The following FBXL7 variants were observed in gnomAD, a reference collection of about 807,000 sequenced individuals.
FBXL7 encodes F-box/LRR-repeat protein 7.
A neutral mutation model predicts 38.3 loss-of-function variants in FBXL7; 12 were observed. The observed-to-expected ratio is 0.31, with a 90% CI of 0.20 to 0.51. FBXL7 has a LOEUF of 0.51. Ranked by LOEUF, FBXL7 falls within the 20% of genes least tolerant of loss-of-function variation. The pLI, the probability that FBXL7 is intolerant of heterozygous loss-of-function variation, is 0.98. For missense variants in FBXL7, 567 were observed against 676.4 expected (o/e 0.84, Z 1.79); for synonymous variants, 297 against 300.9 (o/e 0.99, Z 0.13).
chr5:15,937,427 C>T lies in FBXL7; in HGVS notation c.*241C>T. The T allele has an allele frequency of 1.9e-6, 1 of 522,538 alleles. No homozygotes were observed. The highest frequency in any genetic ancestry group is 3.4e-6 in the Non-Finnish European group (1 of 297,048). The allele number at this position is 522,538 out of a possible 1,614,324, so 32.4% of individuals were successfully genotyped here. On this transcript the variant is annotated 3_prime_UTR_variant, in exon 4 of 4. Coordinates refer to ENST00000504595, the MANE Select transcript of FBXL7 (RefSeq NM_012304.5). ...CATTTGTAGGCAGTTTCTCTTCTCA[C>T]AAAAGATGTACTTAAGCAGGCTGAT... is the stretch of plus-strand genomic sequence containing the variant.
Position 15,685,310 on chromosome 5 carries a change from C to T in FBXL7, c.127+69238C>T, listed in dbSNP as rs763808562. Among the ~76,000 whole-genome samples, 8 of 152,106 alleles carry T rather than the reference C, an allele frequency of 5.3e-5. No individual in the cohort carries two copies. The South Asian group carries it at 8.3e-4, about 16-fold the overall frequency. On this transcript the variant is annotated intron_variant, in intron 2 of 3. Transcript: ENST00000504595. Reference sequence around the variant, plus strand: ...ACCAATGCATCTTGCAGATGCTTTTCGAATACAGGATTTGTATAGAGGGTG... The same window carrying T: ...ACCAATGCATCTTGCAGATGCTTTTTGAATACAGGATTTGTATAGAGGGTG...
At chr5:15,670,616 C>T (rs1344529466) in intron 2 of FBXL7, among the ~76,000 whole-genome samples, 1 of 152,102 alleles carries the variant, frequency 6.6e-6, no homozygotes, top group African/African-American at 2.4e-5. Flanking sequence ...GCCTGGCCAA[C>T]ATGGTGAAAC....
Position 15,929,345 on chromosome 5 carries a change from C to T in FBXL7, c.739+844C>T, listed in dbSNP as rs550983801. ...CTTTTAAAAATTGAAGGAAGTCGGG[C>T]GTAGAGGCCCACGCCTGTAATCCCA... On this transcript the variant is annotated intron_variant, in intron 3 of 3. Coordinates refer to ENST00000504595, the MANE Select transcript of FBXL7 (RefSeq NM_012304.5). Among the ~76,000 whole-genome samples the T allele has an allele frequency of 2.5e-3, 377 of 152,312 alleles. 1 individual carries two copies. The highest frequency in any genetic ancestry group is 4.6e-3 in the Non-Finnish European group (313 of 68,022).
At chr5:15,734,114 CAAAAAA>C (rs370211850) in intron 2 of FBXL7, among the ~76,000 whole-genome samples, 1 of 139,588 alleles carries the variant, frequency 7.2e-6, no homozygotes, top group African/African-American at 2.7e-5. Context: ...GACTGGGTCT[CAAAAAA>C]AAAAAAAAAA....
intron 2 of FBXL7, among the ~76,000 whole-genome samples, chr5:15,884,440 G>C (rs1740594861): frequency 6.6e-6 from 1 of 151,916 alleles, no homozygotes; most frequent in African/African-American, 2.4e-5. Flanking sequence ...CTAATTTTTT[G>C]TATTTTTAGT....
At chr5:15,595,940 G>A (rs533185292) in intron 1 of FBXL7, among the ~76,000 whole-genome samples, 31 of 152,270 alleles carry the variant, frequency 2.0e-4, no homozygotes, top group African/African-American at 7.0e-4. Flanking sequence ...ATCTCAGCAG[G>A]TAGATGGGAT....
At chr5:15,734,522 T>G (rs1486041324) in intron 2 of FBXL7, among the ~76,000 whole-genome samples, 1 of 152,208 alleles carries the variant, frequency 6.6e-6, no homozygotes, top group African/African-American at 2.4e-5. Flanking sequence ...ATGGGAAAGA[T>G]TCTCCCAAGG....
chr5:15,534,374 A>ATTG (rs3033689), intron 1 of FBXL7, among the ~76,000 whole-genome samples: 148,597 of 152,218 alleles, frequency 0.98, 72,927 homozygotes, highest in Middle Eastern at 1. Context: ...TGCCCTCTCC[A>ATTG]TTTTGCCTTT....
At chr5:15,699,237 G>A (rs1280577886) in intron 2 of FBXL7, among the ~76,000 whole-genome samples, 1 of 152,120 alleles carries the variant, frequency 6.6e-6, no homozygotes, top group East Asian at 1.9e-4. Context: ...ACATTGGGTG[G>A]CTTAAAACAA....
intron 2 of FBXL7, among the ~76,000 whole-genome samples, chr5:15,867,942 A>G (rs1739786387): frequency 6.6e-6 from 1 of 152,122 alleles, no homozygotes; most frequent in Non-Finnish European, 1.5e-5. Context: ...CGTCTCTGGT[A>G]AAAATACAAA....
intron 2 of FBXL7, among the ~76,000 whole-genome samples, chr5:15,745,780 A>G (rs1309366634): frequency 6.6e-6 from 1 of 152,174 alleles, no homozygotes; most frequent in African/African-American, 2.4e-5. Context: ...GGGGGAAGTT[A>G]TGTAGGGTCT....
At chr5:15,573,088 G>A (rs180897481) in intron 1 of FBXL7, among the ~76,000 whole-genome samples, 2 of 152,322 alleles carry the variant, frequency 1.3e-5, no homozygotes, top group African/African-American at 4.8e-5. Flanking sequence ...GTGTCCTGCA[G>A]TATCTGGACA....
chr5:15,864,894 T>C (rs1003549664), intron 2 of FBXL7, among the ~76,000 whole-genome samples: 2 of 152,184 alleles, frequency 1.3e-5, no homozygotes, highest in African/African-American at 4.8e-5. Flanking sequence ...TAGCCTCAAC[T>C]TAAGATGGAG....
intron 2 of FBXL7, among the ~76,000 whole-genome samples, chr5:15,857,931 C>G (rs1278435101): frequency 6.6e-6 from 1 of 152,090 alleles, no homozygotes; most frequent in African/African-American, 2.4e-5. Context: ...TGTCATGTCT[C>G]TATTTTGAGG....
intron 2 of FBXL7, among the ~76,000 whole-genome samples, chr5:15,837,791 T>C (rs1738632586): frequency 6.6e-6 from 1 of 152,058 alleles, no homozygotes; most frequent in African/African-American, 2.4e-5. Context: ...GAGAAAGGAA[T>C]GTGAGGTCTG....
At chr5:15,741,138 A>T (rs1346848792) in intron 2 of FBXL7, among the ~76,000 whole-genome samples, 1 of 152,216 alleles carries the variant, frequency 6.6e-6, no homozygotes, top group Non-Finnish European at 1.5e-5. Context: ...AAAATTCATT[A>T]TAGAAAATCT....
chr5:15,722,889 C>G (rs1156492280), intron 2 of FBXL7, among the ~76,000 whole-genome samples: 1 of 149,070 alleles, frequency 6.7e-6, no homozygotes, highest in African/African-American at 2.5e-5. Context: ...CGCCACTACA[C>G]TCCAGCCTGC....
At chr5:15,884,055 A>T (rs1367288897) in intron 2 of FBXL7, among the ~76,000 whole-genome samples, 1 of 152,100 alleles carries the variant, frequency 6.6e-6, no homozygotes, top group Non-Finnish European at 1.5e-5. Flanking sequence ...AATTTACCTC[A>T]CAGTTCTGGA....
At chr5:15,817,300 T>A (rs1047375186) in intron 2 of FBXL7, among the ~76,000 whole-genome samples, 4 of 143,766 alleles carry the variant, frequency 2.8e-5, no homozygotes, top group Non-Finnish European at 6.1e-5. Flanking sequence ...TTTTGCTAAC[T>A]TTTTTTTTTT....
Sources: gnomAD v4.1 joint callset for allele counts (sites outside exome capture counted in the v4.1 genomes callset) on GRCh38, gnomAD v4.1.1 for gene constraint, MANE v1.5 for transcripts, NCBI Gene and HGNC (gene_info 2026-07-23, HGNC 2026-07-21) for gene names.